The following NRXN3 variants were observed in gnomAD, a reference collection of about 807,000 sequenced individuals.
NRXN3 encodes neurexin III.
Under a neutral mutation model 137.6 loss-of-function variants are expected in NRXN3, and 32 were observed. The observed-to-expected ratio is 0.23, with a 90% CI of 0.18 to 0.31. NRXN3 has a LOEUF of 0.31. NRXN3 is among the 10% of genes least tolerant of loss of function. NRXN3 has a pLI of 1.00. For missense variants in NRXN3, 1,574 were observed against 2,062.5 expected, an observed-to-expected ratio of 0.76 and a Z score of 4.59; for synonymous variants, 798 against 784.5, an observed-to-expected ratio of 1.02 and a Z score of -0.29.
intron 11 of NRXN3, among the ~76,000 whole-genome samples, chr14:78,963,566 G>A (rs2099412206): frequency 6.6e-6 from 1 of 152,140 alleles, no homozygotes; most frequent in African/African-American, 2.4e-5. Context: ...TTTAGATTAT[G>A]TTGCTTTGTA....
At chr14:78,984,411 T>G (rs949346510) in intron 14 of NRXN3, among the ~76,000 whole-genome samples, 5 of 152,172 alleles carry the variant, frequency 3.3e-5, no homozygotes, top group African/African-American at 1.2e-4. Flanking sequence ...GTTAAGTAAA[T>G]AGGAAGACAT....
intron 15 of NRXN3, among the ~76,000 whole-genome samples, chr14:79,413,871 C>A (rs1397823070): frequency 1.8e-5 from 2 of 114,110 alleles, no homozygotes; most frequent in East Asian, 2.6e-4. Flanking sequence ...GACCCAGGAA[C>A]CATGTGGTTC....
chr14:79,072,422 C>A (rs114304966), intron 15 of NRXN3: 1 of 152,084 alleles, frequency 6.6e-6, no homozygotes, highest in Admixed American at 6.6e-5. Flanking sequence ...TGCTGACTTC[C>A]GATACTGCTT....
chr14:78,571,462 A>G (rs544007843), intron 4 of NRXN3, among the ~76,000 whole-genome samples: 1 of 152,316 alleles, frequency 6.6e-6, no homozygotes, highest in South Asian at 2.1e-4. Context: ...TTTGTTGGGA[A>G]GGTGGATGCC....
intron 15 of NRXN3, among the ~76,000 whole-genome samples, chr14:79,376,265 T>TATATATATATAC (rs1566950685): frequency 1.4e-5 from 1 of 72,704 alleles, no homozygotes; most frequent in Non-Finnish European, 3.0e-5. Context: ...TATATATATA[T>TATATATATATAC]ACACATACAT....
chr14:79,648,048 A>G (rs2098459862), intron 16 of NRXN3, among the ~76,000 whole-genome samples: 1 of 135,462 alleles, frequency 7.4e-6, no homozygotes. Context: ...AACGGAATGA[A>G]GTATAAGAAA....
chr14:79,407,587 G>A (rs964497244), intron 15 of NRXN3, among the ~76,000 whole-genome samples: 1 of 152,132 alleles, frequency 6.6e-6, no homozygotes, highest in African/African-American at 2.4e-5. Context: ...GCTTAAATGG[G>A]GATGTGCTAT....
chr14:79,652,195 A>G (rs2153973274), intron 16 of NRXN3, among the ~76,000 whole-genome samples: 1 of 152,270 alleles, frequency 6.6e-6, no homozygotes, highest in Non-Finnish European at 1.5e-5. Context: ...TCACACACAC[A>G]TTTACATGGC....
At chr14:79,688,543 T>G (rs566080358) in intron 17 of NRXN3, among the ~76,000 whole-genome samples, 1 of 152,300 alleles carries the variant, frequency 6.6e-6, no homozygotes, top group African/African-American at 2.4e-5. Context: ...GTTAATAAAT[T>G]TCGAGTCTCA....
At chr14:79,495,695 AATAG>A (rs1416127177) in intron 16 of NRXN3, among the ~76,000 whole-genome samples, 1 of 152,166 alleles carries the variant, frequency 6.6e-6, no homozygotes, top group African/African-American at 2.4e-5. Flanking sequence ...TGAAATACAC[AATAG>A]ATAGGAAAAT....
At position 79,306,608 on chromosome 14, in the gene NRXN3, C is replaced by T. The variant is rs185938468; in HGVS notation, c.3263-160613C>T. Among the ~76,000 whole-genome samples the T allele has an allele frequency of 9.9e-5, 15 of 152,202 alleles. No homozygotes were observed. The East Asian group carries it at 2.5e-3, about 26-fold the overall frequency. Reference sequence around the variant, plus strand: ...CATGATCTTATCCTCATTTCCTCTGCACAGAGCTTGAGAGGTGCTGTTCAC... The same window carrying T: ...CATGATCTTATCCTCATTTCCTCTGTACAGAGCTTGAGAGGTGCTGTTCAC... On this transcript the variant is annotated intron_variant, in intron 15 of 20. Transcript: ENST00000335750.
intron 3 of NRXN3, among the ~76,000 whole-genome samples, chr14:78,284,050 C>A (rs778425606): frequency 7.2e-5 from 11 of 152,258 alleles, no homozygotes; most frequent in Admixed American, 2.0e-4. Context: ...TGTGTTAGAA[C>A]AGTGCCTGGC....
At chr14:79,585,683 T>TAAAAAAAAA (rs1264605001) in intron 16 of NRXN3, among the ~76,000 whole-genome samples, 3 of 75,932 alleles carry the variant, frequency 4.0e-5, no homozygotes, top group African/African-American at 2.0e-4. Context: ...GACTCCATCT[T>TAAAAAAAAA]AAAAAAAAAA....
chr14:78,613,531 G>A (rs1405102416), intron 4 of NRXN3, among the ~76,000 whole-genome samples: 2 of 151,478 alleles, frequency 1.3e-5, no homozygotes, highest in Non-Finnish European at 2.9e-5. Flanking sequence ...AGAGAAAAGG[G>A]GGCACAGAGT....
At chr14:78,980,400 T>G (rs1334395566) in intron 14 of NRXN3, among the ~76,000 whole-genome samples, 1 of 152,218 alleles carries the variant, frequency 6.6e-6, no homozygotes, top group East Asian at 1.9e-4. Context: ...GTTTGAGACA[T>G]AGGTTTGGTT....
chr14:79,582,108 T>C (rs543432703), intron 16 of NRXN3, among the ~76,000 whole-genome samples: 1 of 152,142 alleles, frequency 6.6e-6, no homozygotes, highest in South Asian at 2.1e-4. Context: ...TGTTTGTTTG[T>C]TTGTTTGTTT....
chr14:78,308,112 A>G (rs2077559379), intron 4 of NRXN3, among the ~76,000 whole-genome samples: 1 of 151,870 alleles, frequency 6.6e-6, no homozygotes, highest in Non-Finnish European at 1.5e-5. Context: ...TTATGAATAT[A>G]GAGAATTTAA....
chr14:78,879,982 G>A (rs1405191016), intron 10 of NRXN3, among the ~76,000 whole-genome samples: 1 of 151,040 alleles, frequency 6.6e-6, no homozygotes, highest in East Asian at 1.9e-4. Flanking sequence ...GCTCACGCCT[G>A]TAATCCCAGC....
intron 15 of NRXN3, chr14:79,279,230 A>C: frequency 2.2e-6 from 1 of 446,870 alleles, no homozygotes; most frequent in Non-Finnish European, 3.0e-6. Flanking sequence ...CTTGAATGGG[A>C]AGGGCCGGGA....
Sources: allele counts gnomAD v4.1 joint callset (sites outside exome capture counted in the v4.1 genomes callset), GRCh38; gene constraint gnomAD v4.1.1; transcripts MANE v1.5; gene names NCBI Gene and HGNC (gene_info 2026-07-23, HGNC 2026-07-21).